Variants in PINLYP observed in about 807,000 individuals in gnomAD.
PINLYP encodes the protein phospholipase A2 inhibitor and LY6/PLAUR domain containing.
A neutral mutation model predicts 15.8 loss-of-function variants in PINLYP; 12 were observed. The observed-to-expected ratio is 0.76, with a 90% CI of 0.49 to 1.23. The LOEUF (loss-of-function observed/expected upper bound fraction) is 1.23. Ranked by LOEUF, PINLYP falls within the 50% of genes most tolerant of loss-of-function variation. PINLYP has a pLI of 0.00. For synonymous variants in PINLYP, 93 were observed against 97.7 expected, an observed-to-expected ratio of 0.95 and a Z score of 0.28; for missense variants, 278 against 264.2, an observed-to-expected ratio of 1.05 and a Z score of -0.36.
chr19:43,581,898 G>A lies in PINLYP; in HGVS notation c.512G>A (p.Gly171Asp), dbSNP rs1972939483. 2.0e-6 allele frequency: 3 copies of A among 1,536,756 alleles called. No homozygotes were observed. The highest frequency in any genetic ancestry group is 4.9e-5 in the East Asian group (2 of 40,918). ...TTCAAACCCAGATTTGCTATGCGGG[G>A]CTGTGCTACAGAGAGTATGTGCTTT... is the stretch of plus-strand genomic sequence containing the variant. The change falls in exon 6 of 6, where the codon GGC (glycine) becomes GAC (aspartate). Residue 171 changes from glycine to aspartate, a missense_variant. Gly to Asp is a moderately conservative substitution (Grantham distance 94, BLOSUM62 -1). Coordinates refer to ENST00000599207, the Ensembl canonical transcript of PINLYP.
At chr19:43,576,336 C>A (rs1214720175) in exon 1 of PINLYP, among the ~76,000 whole-genome samples, 2 of 152,218 alleles carry the variant, frequency 1.3e-5, no homozygotes, top group African/African-American at 4.8e-5. Flanking sequence ...TTGCCACACA[C>A]ACACACACGC....
At chr19:43,577,260 T>C (rs922554878) in exon 2 of PINLYP, 137 of 1,535,492 alleles carry the variant, frequency 8.9e-5, no homozygotes, top group Non-Finnish European at 1.1e-4. Flanking sequence ...TCCTGGGTCT[T>C]GGTAAGTGAC....
chr19:43,579,579 C>T (rs1972905628), intron 3 of PINLYP, among the ~76,000 whole-genome samples: 1 of 149,904 alleles, frequency 6.7e-6, no homozygotes. Flanking sequence ...GAAGCAGAGA[C>T]AGGGAGGGGG....
At chr19:43,575,652 G>C, upstream of PINLYP, 1 of 466,896 alleles carries the variant, frequency 2.1e-6, no homozygotes, top group Admixed American at 3.9e-5. Context: ...CCTCTCCAGA[G>C]CGGGAAGAGC....
chr19:43,577,640 T>C (rs1248423208), intron 2 of PINLYP, among the ~76,000 whole-genome samples: 1 of 150,058 alleles, frequency 6.7e-6, no homozygotes, highest in Non-Finnish European at 1.5e-5. Flanking sequence ...CGGTGGCTCA[T>C]GCCTGTAACC....
intron 2 of PINLYP, among the ~76,000 whole-genome samples, chr19:43,578,319 C>T (rs1972889418): frequency 6.6e-6 from 1 of 152,198 alleles, no homozygotes; most frequent in Non-Finnish European, 1.5e-5. Flanking sequence ...TCTCAGCGGA[C>T]CCTGGCATCC....
At chr19:43,578,277 C>A (rs2682587) in intron 2 of PINLYP, among the ~76,000 whole-genome samples, 24,547 of 152,122 alleles carry the variant, frequency 0.16, 2,074 homozygotes, top group Non-Finnish European at 0.19. Context: ...CCATGGAAAC[C>A]TCCATCACGA....
chr19:43,577,988 C>G (rs1972886187), intron 2 of PINLYP, among the ~76,000 whole-genome samples: 1 of 152,078 alleles, frequency 6.6e-6, no homozygotes, highest in African/African-American at 2.4e-5. Context: ...CTAAGAAGTT[C>G]AGGCCCCAGC....
chr19:43,581,323 T>C lies in PINLYP; in HGVS notation c.299T>C (p.Phe100Ser), dbSNP rs759379805. 15 of 1,536,896 alleles carry C rather than the reference T, an allele frequency of 9.8e-6. 1 individual carries two copies. In the South Asian group the frequency reaches 1.8e-4, roughly 18 times the overall value. Residue 100 changes from phenylalanine to serine, a missense_variant, in exon 4 of 6, where the codon TTC becomes TCC. Phe to Ser is a radical substitution (Grantham distance 155, BLOSUM62 -2). Transcript: ENST00000599207. ...AAGGACCACATGGTAACCAGCTCCT[T>C]CTGCTGCCAGAGCGACGGCTGCAAC...
chr19:43,581,094 A>C (rs1473496732), intron 3 of PINLYP, 118 bp from the exon 4 acceptor site: 3 of 1,127,986 alleles, frequency 2.7e-6, no homozygotes, highest in Non-Finnish European at 3.6e-6. Context: ...AAAAAGAAAG[A>C]GACCATCCCA....
rs1305528992 is a variant in PINLYP, at chr19:43,576,379, G to GA, written c.-611dup. Among the ~76,000 whole-genome samples, 1 of 151,806 alleles carries GA rather than the reference G, an allele frequency of 6.6e-6. No individual in the cohort carries two copies. Among genetic ancestry groups the GA allele is most frequent in the African/African-American group, 2.4e-5 (1 of 41,360 alleles). ...CATACATACGCGCGCGCGCACGCGC[G>GA]AAAAAAATTAGCAGATCTCTTTCAG... On this transcript the variant is annotated 5_prime_UTR_variant, in exon 1 of 6. An upstream open reading frame in the 5' UTR loses its in-frame stop. Transcript: ENST00000599207.
At chr19:43,581,595 A>T (rs1394981419) in exon 5 of PINLYP, 1 of 1,536,540 alleles carries the variant, frequency 6.5e-7, no homozygotes, top group Non-Finnish European at 8.7e-7. Flanking sequence ...GAATGGCCTG[A>T]TGTGCCCCGC....
chr19:43,578,808 G>C (rs904080130), intron 3 of PINLYP, 102 bp downstream of exon 3: 9 of 868,898 alleles, frequency 1.0e-5, no homozygotes, highest in Non-Finnish European at 1.8e-6. Context: ...CTCAAGACGG[G>C]AGCGTGGGAA....
chr19:43,578,328 C>T (rs980695388), intron 2 of PINLYP, among the ~76,000 whole-genome samples: 3 of 152,204 alleles, frequency 2.0e-5, no homozygotes, highest in Non-Finnish European at 4.4e-5. Flanking sequence ...ACCCTGGCAT[C>T]CAAAATCCCC....
chr19:43,581,230 A>G, exon 4 of PINLYP: 5 of 1,537,000 alleles, frequency 3.3e-6, no homozygotes, highest in Non-Finnish European at 4.4e-6. Flanking sequence ...GAGTTGGTGC[A>G]CACCTACAAG....
At position 43,579,010 on chromosome 19, in the gene PINLYP, G is replaced by C. The variant is rs186796119; in HGVS notation, c.187+304G>C. ...AAGAGGGGTAAGGAAAGACACTGTG[G>C]GGGGCAGAGAAATAGTGAGAGGGGA... On this transcript the variant is annotated intron_variant, in intron 3 of 5. Coordinates refer to ENST00000599207, the Ensembl canonical transcript of PINLYP. The C allele has an allele frequency of 2.1e-3, 687 of 323,592 alleles. 3 individuals are homozygous for C. Among genetic ancestry groups the C allele is most frequent in the Non-Finnish European group, 3.0e-3 (495 of 166,212 alleles). 20.0% of individuals were successfully genotyped at this position (323,592 alleles called of 1,614,324 possible).
At chr19:43,578,805 C>CAG (rs141783396) in intron 3 of PINLYP, 99 bp downstream of exon 3, 16,010 of 886,630 alleles carry the variant, frequency 0.018, 265 homozygotes, top group African/African-American at 0.063. Context: ...GTTCTCAAGA[C>CAG]GGGAGCGTGG....
exon 1 of PINLYP, chr19:43,576,063 G>A (rs1972858758): frequency 6.6e-6 from 1 of 151,794 alleles, no homozygotes. Context: ...CACCACATTC[G>A]GCTAATTTTT....
At chr19:43,581,087 A>C in intron 3 of PINLYP, 125 bp from the exon 4 acceptor site, 5 of 1,113,708 alleles carry the variant, frequency 4.5e-6, no homozygotes, top group Non-Finnish European at 6.1e-6. Context: ...AAAGAAAAAA[A>C]AGAAAGAGAC....
Sources: allele counts gnomAD v4.1 joint callset (sites outside exome capture counted in the v4.1 genomes callset), GRCh38; gene constraint gnomAD v4.1.1; transcripts MANE v1.5; gene names NCBI Gene and HGNC (gene_info 2026-07-23, HGNC 2026-07-21).